Variants in TTC39B observed in about 807,000 individuals in gnomAD.
The protein encoded by TTC39B is tetratricopeptide repeat protein 39B.
TTC39B carries 92 observed loss-of-function variants against 96.6 expected under a neutral mutation model. That is an observed-to-expected ratio of 0.95 (90% CI 0.80 to 1.13). The LOEUF (loss-of-function observed/expected upper bound fraction) is 1.13. Among genes scored for constraint, TTC39B ranks in the 50% most tolerant of loss-of-function variants. The pLI is 0.00. For synonymous variants in TTC39B, 367 were observed against 299.4 expected (o/e 1.23, Z -2.33); for missense variants, 955 against 809.3 (o/e 1.18, Z -2.18).
chr9:15,172,153 T>C (rs1407739229), intron 19 of TTC39B, 44 bp from the exon 20 acceptor site: 4 of 1,393,714 alleles, frequency 2.9e-6, no homozygotes, highest in Non-Finnish European at 4.1e-6. Context: ...AATTTCCTTA[T>C]ATACCAGGTA....
intron 3 of TTC39B, 99 bp from the exon 4 acceptor site, chr9:15,214,348 CTGTG>C (rs370074351): frequency 1.1e-5 from 6 of 525,046 alleles, no homozygotes; most frequent in Non-Finnish European, 1.9e-5. Context: ...GTGTGTGTGT[CTGTG>C]TGTGTGTGTC....
chr9:15,178,154 C>T (rs1356943341), intron 17 of TTC39B, among the ~76,000 whole-genome samples: 4 of 152,014 alleles, frequency 2.6e-5, no homozygotes, highest in African/African-American at 9.7e-5. Context: ...CAGGCGTGAG[C>T]CACCGTGCCC....
chr9:15,248,456 C>A lies in TTC39B; in HGVS notation c.275+19458G>T, dbSNP rs371872000. Among the ~76,000 whole-genome samples the A allele has an allele frequency of 1.0e-3, 153 of 152,230 alleles. 1 individual carries two copies. The highest frequency in any genetic ancestry group is 2.7e-3 in the African/African-American group (113 of 41,528). The stretch of plus-strand genomic sequence containing the variant: ...TACACTTCTACAGGTGAAAAATTAC[C>A]ACAATTTTAATGAAATTAGGTAATC... On this transcript the variant is annotated intron_variant, in intron 2 of 19. Coordinates refer to ENST00000512701, the Ensembl canonical transcript of TTC39B.
In TTC39B at chr9:15,307,069, C is replaced by T. The variant is rs557566467; in HGVS notation, c.240+15G>A. On this transcript the variant is annotated intron_variant, in intron 1 of 19. Transcript: ENST00000512701. ...GGCTTCAGGGGCCGGGCCCGCAATC[C>T]CCATCGGATCGTACCTCGTCCGCTT... 5 of 1,609,136 alleles carry T rather than the reference C, an allele frequency of 3.1e-6. No homozygotes were observed. In the African/African-American group the frequency reaches 6.7e-5, roughly 21 times the overall value.
At chr9:15,166,842 T>C (rs1368716305) in exon 20 of TTC39B, 1 of 150,852 alleles carries the variant, frequency 6.6e-6, no homozygotes, top group Non-Finnish European at 1.5e-5. Flanking sequence ...TAGCTATCTA[T>C]AGATACATGT....
intron 14 of TTC39B, 61 bp downstream of exon 14, chr9:15,187,910 G>T: frequency 6.7e-7 from 1 of 1,484,020 alleles, no homozygotes; most frequent in Non-Finnish European, 9.0e-7. Context: ...AGTCCTAAAT[G>T]AAAATCATCC....
intron 2 of TTC39B, among the ~76,000 whole-genome samples, chr9:15,235,369 G>A (rs1261014974): frequency 6.6e-6 from 1 of 152,142 alleles, no homozygotes; most frequent in Non-Finnish European, 1.5e-5. Flanking sequence ...AGAAGAAAAA[G>A]TAAGCAACCT....
intron 2 of TTC39B, among the ~76,000 whole-genome samples, chr9:15,258,078 A>T (rs58798848): frequency 1.3e-5 from 2 of 152,076 alleles, no homozygotes; most frequent in Non-Finnish European, 2.9e-5. Context: ...ATAAAATAAG[A>T]TAACTTGGGC....
At chr9:15,202,685 C>A (rs1819611231) in intron 7 of TTC39B, among the ~76,000 whole-genome samples, 1 of 151,442 alleles carries the variant, frequency 6.6e-6, no homozygotes. Flanking sequence ...GTACTCCAGC[C>A]TGGGTGACAG....
chr9:15,202,140 G>A (rs1384371746), intron 7 of TTC39B, among the ~76,000 whole-genome samples: 1 of 152,080 alleles, frequency 6.6e-6, no homozygotes, highest in Admixed American at 6.5e-5. Context: ...GACAAACATG[G>A]ATATCTCTTT....
intron 18 of TTC39B, 76 bp downstream of exon 18, chr9:15,177,621 T>G: frequency 1.0e-6 from 1 of 966,694 alleles, no homozygotes; most frequent in South Asian, 1.5e-5. Context: ...GATAAAAGCA[T>G]TTTGCATCAC....
chr9:15,218,159 ACT>A (rs1210533579), intron 3 of TTC39B, among the ~76,000 whole-genome samples: 1 of 130,116 alleles, frequency 7.7e-6, no homozygotes, highest in Non-Finnish European at 1.6e-5. Context: ...ACAGAGCGAG[ACT>A]CTGTCTCAAA....
At chr9:15,285,278 A>G (rs1003794779) in intron 1 of TTC39B, among the ~76,000 whole-genome samples, 3 of 152,002 alleles carry the variant, frequency 2.0e-5, no homozygotes, top group East Asian at 1.9e-4. Flanking sequence ...CAAAAAGAAA[A>G]AAAAAAAAAA....
intron 3 of TTC39B, 116 bp from the exon 4 acceptor site, chr9:15,214,365 T>TGTGTGTGTGTGTGTGTGG: frequency 1.5e-6 from 1 of 675,312 alleles, no homozygotes; most frequent in East Asian, 2.8e-5. Context: ...TGTGTGTCTG[T>TGTGTGTGTGTGTGTGTGG]GTGTGTGTCT....
At chr9:15,249,904 T>C (rs1822455189) in intron 2 of TTC39B, 1 of 1,256,492 alleles carries the variant, frequency 8.0e-7, no homozygotes, top group Non-Finnish European at 1.0e-6. Flanking sequence ...GCTAAATAAA[T>C]ATGACATACT....
chr9:15,196,721 T>C (rs1476657018), intron 8 of TTC39B, among the ~76,000 whole-genome samples: 1 of 152,230 alleles, frequency 6.6e-6, no homozygotes, highest in African/African-American at 2.4e-5. Context: ...ATTTGGAATA[T>C]TAAATAAACT....
chr9:15,231,049 T>A (rs752849109), intron 2 of TTC39B, among the ~76,000 whole-genome samples: 1 of 152,148 alleles, frequency 6.6e-6, no homozygotes, highest in Admixed American at 6.5e-5. Flanking sequence ...TAATTATATA[T>A]CTAGCATTGC....
chr9:15,184,927 A>C (rs1286663097), intron 16 of TTC39B, among the ~76,000 whole-genome samples: 2 of 152,230 alleles, frequency 1.3e-5, no homozygotes, highest in Admixed American at 6.5e-5. Context: ...GTAAAATTAC[A>C]TAATGTGGCT....
chr9:15,178,703 A>G (rs1473203967), intron 17 of TTC39B, among the ~76,000 whole-genome samples: 1 of 152,234 alleles, frequency 6.6e-6, no homozygotes, highest in Non-Finnish European at 1.5e-5. Context: ...CTTAGATACA[A>G]CAACCGAAAA....
Sources: allele counts gnomAD v4.1 joint callset (sites outside exome capture counted in the v4.1 genomes callset), GRCh38; gene constraint gnomAD v4.1.1; transcripts MANE v1.5; gene names NCBI Gene and HGNC (gene_info 2026-07-23, HGNC 2026-07-21).